SHISA9: variants seen among roughly 807,000 people sequenced by gnomAD.
SHISA9 encodes protein shisa-9.
A neutral mutation model predicts 38.0 loss-of-function variants in SHISA9; 13 were observed. The ratio of observed to expected loss-of-function variants is 0.34; its 90% CI spans 0.22 to 0.54. The LOEUF is 0.54. SHISA9 is among the 20% of genes least tolerant of loss of function. The pLI, the probability that SHISA9 is intolerant of heterozygous loss-of-function variation, is 0.91. For missense variants in SHISA9, 538 were observed against 575.8 expected, an observed-to-expected ratio of 0.93 and a Z score of 0.67; for synonymous variants, 275 against 242.0, an observed-to-expected ratio of 1.14 and a Z score of -1.27.
intron 2 of SHISA9, among the ~76,000 whole-genome samples, chr16:13,145,269 A>T (rs1167282867): frequency 6.6e-6 from 1 of 152,218 alleles, no homozygotes; most frequent in Non-Finnish European, 1.5e-5. Flanking sequence ...TCACGCCTGT[A>T]ATCCTAGCAC....
At chr16:13,475,989 T>A in the SHISA9 span, among the ~76,000 whole-genome samples, 2 of 152,148 alleles carry the variant, frequency 1.3e-5, no homozygotes, top group African/African-American at 2.4e-5. Flanking sequence ...GATGAAGCTT[T>A]GCTTGCCCAC....
chr16:13,435,788 G>C, the SHISA9 span, among the ~76,000 whole-genome samples: 64 of 152,330 alleles, frequency 4.2e-4, no homozygotes, highest in African/African-American at 1.5e-3. Context: ...TCCTCTCCCT[G>C]AACATAGGGC....
intron 2 of SHISA9, among the ~76,000 whole-genome samples, chr16:13,045,963 A>G (rs948148876): frequency 2.0e-5 from 3 of 152,218 alleles, no homozygotes; most frequent in African/African-American, 7.2e-5. Flanking sequence ...ATGTTTGTTT[A>G]AATTTGTAAC....
chr16:13,397,024 G>A, the SHISA9 span, among the ~76,000 whole-genome samples: 1 of 151,724 alleles, frequency 6.6e-6, no homozygotes, highest in East Asian at 1.9e-4. Flanking sequence ...AGACAATGAG[G>A]ACGAAGACCT....
intron 2 of SHISA9, among the ~76,000 whole-genome samples, chr16:12,955,517 CA>C (rs5815730): frequency 0.54 from 80,647 of 148,988 alleles, 21,852 homozygotes; most frequent in East Asian, 0.66. Flanking sequence ...TATTATAGGC[CA>C]AAAAAAAAAA....
chr16:12,995,958 A>C (rs1434056127), intron 2 of SHISA9, among the ~76,000 whole-genome samples: 2 of 152,154 alleles, frequency 1.3e-5, no homozygotes, highest in Non-Finnish European at 2.9e-5. Context: ...GTTTGTGCCC[A>C]TGTCCCTGGT....
rs554040637 is a variant in SHISA9, at chr16:13,072,191, A to G, written c.692-131203A>G. Among the ~76,000 whole-genome samples the G allele has an allele frequency of 4.5e-4, 69 of 152,366 alleles. 1 individual carries two copies. In the South Asian group the frequency reaches 0.013, roughly 30 times the overall value. ...CCAGTGTCCTCAAAGTGTCAAAGCC[A>G]CTTGAGTGAGGTTGAGAAGCGGTGG... On this transcript the variant is annotated intron_variant, in intron 2 of 4. Transcript: ENST00000558583.
the SHISA9 span, among the ~76,000 whole-genome samples, chr16:13,359,349 G>C: frequency 5.9e-5 from 9 of 152,092 alleles, no homozygotes; most frequent in East Asian, 1.9e-4. Flanking sequence ...TGGGTGTGGT[G>C]GTGGGCACCT....
intron 2 of SHISA9, among the ~76,000 whole-genome samples, chr16:13,000,659 C>A (rs1184737378): frequency 6.6e-6 from 1 of 152,132 alleles, no homozygotes; most frequent in Non-Finnish European, 1.5e-5. Context: ...TGATGGGGCA[C>A]TGACAGTGTC....
the SHISA9 span, among the ~76,000 whole-genome samples, chr16:13,392,554 C>T: frequency 6.6e-6 from 1 of 152,158 alleles, no homozygotes; most frequent in Non-Finnish European, 1.5e-5. Context: ...CAGGTGGCGG[C>T]ATTACAGATC....
At position 13,052,427 on chromosome 16, in the gene SHISA9, T is replaced by G. The variant is rs146417351; in HGVS notation, c.691+135612T>G. ...AATGAGGCCAAGAAGCCCACTGTCTTGTGAGAGCTCTACCAACAGTCATTA... is the reference window on the plus strand; with the variant it reads ...AATGAGGCCAAGAAGCCCACTGTCTGGTGAGAGCTCTACCAACAGTCATTA... On this transcript the variant is annotated intron_variant, in intron 2 of 4. Coordinates refer to ENST00000558583, the MANE Select transcript of SHISA9 (RefSeq NM_001145204.3). Among the ~76,000 whole-genome samples, 491 of 152,306 alleles carry G rather than the reference T, an allele frequency of 3.2e-3. 5 individuals carry two copies. Among genetic ancestry groups the G allele is most frequent in the African/African-American group, 0.012 (479 of 41,560 alleles).
chr16:13,287,032 TATTG>T, the SHISA9 span, among the ~76,000 whole-genome samples: 2 of 152,204 alleles, frequency 1.3e-5, no homozygotes, highest in Non-Finnish European at 2.9e-5. Flanking sequence ...ATTAAACAAA[TATTG>T]ATTAAGTATC....
chr16:12,915,365 G>T (rs1026913438), intron 1 of SHISA9, among the ~76,000 whole-genome samples: 1 of 152,148 alleles, frequency 6.6e-6, no homozygotes, highest in Non-Finnish European at 1.5e-5. Flanking sequence ...CTATTCAGGA[G>T]GCTGAGGAGT....
At chr16:13,234,602 G>A (rs2051362489) in intron 4 of SHISA9, among the ~76,000 whole-genome samples, 2 of 152,122 alleles carry the variant, frequency 1.3e-5, no homozygotes, top group Non-Finnish European at 2.9e-5. Context: ...ACACCCAAAA[G>A]TTGTTATCGG....
intron 3 of SHISA9, among the ~76,000 whole-genome samples, chr16:13,208,670 A>G (rs921336805): frequency 1.3e-5 from 2 of 152,046 alleles, no homozygotes; most frequent in African/African-American, 4.8e-5. Context: ...CACACTGGGG[A>G]ATTGTTAGTG....
chr16:13,303,948 A>T, the SHISA9 span, among the ~76,000 whole-genome samples: 1 of 152,152 alleles, frequency 6.6e-6, no homozygotes, highest in Non-Finnish European at 1.5e-5. Flanking sequence ...GGTGTCCCAT[A>T]ACAAAGTTGA....
Position 13,192,962 on chromosome 16 carries a change from GAAA to G in SHISA9, c.692-10430_692-10428del, listed in dbSNP as rs955995540. ...GAGGAAGAAGAAGAAGGAGGAGGAG[GAAA>G]AGAAGAAGAAGGAGAAGAAGAAACA... On this transcript the variant is annotated intron_variant, in intron 2 of 4. Coordinates refer to ENST00000558583, the MANE Select transcript of SHISA9 (RefSeq NM_001145204.3). 2.1e-3 allele frequency among the ~76,000 whole-genome samples: 320 copies of G among 150,438 alleles called. 1 individual carries two copies. Among genetic ancestry groups the G allele is most frequent in the African/African-American group, 7.4e-3 (296 of 40,080 alleles).
chr16:13,233,597 G>A (rs1454559606), intron 4 of SHISA9, among the ~76,000 whole-genome samples: 2 of 152,226 alleles, frequency 1.3e-5, no homozygotes, highest in Non-Finnish European at 2.9e-5. Flanking sequence ...AACAAAAGCA[G>A]CTATGGATAA....
At chr16:13,526,429 G>GC in the SHISA9 span, among the ~76,000 whole-genome samples, 1 of 152,156 alleles carries the variant, frequency 6.6e-6, no homozygotes, top group Admixed American at 6.5e-5. Flanking sequence ...TGTTGCCCAG[G>GC]CTAGAGTGCA....
Sources: gnomAD v4.1 joint callset for allele counts (sites outside exome capture counted in the v4.1 genomes callset) on GRCh38, gnomAD v4.1.1 for gene constraint, MANE v1.5 for transcripts, NCBI Gene and HGNC (gene_info 2026-07-23, HGNC 2026-07-21) for gene names.